The following SRGAP2 variants were observed in gnomAD, a reference collection of about 807,000 sequenced individuals.
SRGAP2 encodes the protein SLIT-ROBO Rho GTPase-activating protein 2.
In SRGAP2, 15 loss-of-function variants were observed where a neutral mutation model predicts 57.2. The observed-to-expected ratio is 0.26, with a 90% CI of 0.18 to 0.40. The LOEUF (loss-of-function observed/expected upper bound fraction) is 0.40, where lower values mean the gene tolerates loss of function less well. Ranked by LOEUF, SRGAP2 falls within the 10% of genes least tolerant of loss-of-function variation. The probability of loss-of-function intolerance (pLI) is 1.00; values close to 1 mark genes in which losing one functional copy is unlikely to be tolerated. For missense variants in SRGAP2, 520 were observed against 669.6 expected (o/e 0.78, Z 2.47); for synonymous variants, 249 against 248.0 (o/e 1.00, Z -0.04).
rs1254383836 is a variant in SRGAP2, at chr1:206,273,988, A to G, written c.68-29293A>G. ...TTCTGATGTCCTAGTATTTTTTCCT[A>G]GATCCCAGATCAAGAGATACTTTTA... is the stretch of plus-strand genomic sequence containing the variant. On this transcript the variant is annotated intron_variant, in intron 2 of 22. Transcript: ENST00000573034. Among the ~76,000 whole-genome samples, 754 of 134,936 alleles carry G rather than the reference A, an allele frequency of 5.6e-3. 2 individuals are homozygous for G. The highest frequency in any genetic ancestry group is 0.021 in the East Asian group (97 of 4,576). The allele number at this position is 134,936 out of a possible 152,430, so 88.5% of individuals were successfully genotyped here. A position where few individuals can be genotyped will look rare whatever the true frequency, so the allele number is the denominator to read the frequency against.
chr1:206,373,017 CTTTCTTTCTTTT>C (rs1654828592), intron 4 of SRGAP2, among the ~76,000 whole-genome samples: 1 of 97,986 alleles, frequency 1.0e-5, no homozygotes, highest in African/African-American at 3.8e-5. Flanking sequence ...TTCTTTCTTT[CTTTCTTTCTTTT>C]CTTTCTCTCT....
chr1:206,260,322 G>A (rs1401514361), intron 2 of SRGAP2, among the ~76,000 whole-genome samples: 31 of 146,126 alleles, frequency 2.1e-4, no homozygotes, highest in African/African-American at 7.9e-4. Flanking sequence ...TCCCAAAGTG[G>A]ACGAAATGGA....
In SRGAP2 at chr1:206,446,064, T is replaced by G. The variant is rs782692785; in HGVS notation, c.1875-11T>G. On this transcript the variant is annotated splice_polypyrimidine_tract_variant and intron_variant, in intron 17 of 22. Coordinates refer to ENST00000573034, the MANE Select transcript of SRGAP2 (RefSeq NM_015326.5). ...AGCTTTCCAGCTTGCCCCCTTTCCC[T>G]TCTCCTCCAGTTTATCACAGTTCAG... The G allele has an allele frequency of 1.3e-6, 1 of 779,996 alleles. No individual in the cohort carries two copies. The highest frequency in any genetic ancestry group is 2.4e-5 in the East Asian group (1 of 41,224). The allele number at this position is 779,996 out of a possible 1,614,324, so 48.3% of individuals were successfully genotyped here.
intron 18 of SRGAP2, among the ~76,000 whole-genome samples, chr1:206,448,336 G>A (rs1003402626): frequency 5.9e-5 from 9 of 152,124 alleles, no homozygotes. Flanking sequence ...AACTGGAACC[G>A]GTTTTCTAGG....
intron 10 of SRGAP2, among the ~76,000 whole-genome samples, chr1:206,414,494 T>G (rs1204110497): frequency 6.6e-6 from 1 of 152,190 alleles, no homozygotes; most frequent in Non-Finnish European, 1.5e-5. Flanking sequence ...CTCAGTGATC[T>G]CATATATCAC....
chr1:206,306,820 A>G (rs1672235993), intron 3 of SRGAP2, among the ~76,000 whole-genome samples: 1 of 152,210 alleles, frequency 6.6e-6, no homozygotes, highest in African/African-American at 2.4e-5. Context: ...TGAGTTAAAC[A>G]CAGGGTGCTG....
chr1:206,249,779 AAG>A (rs1357128306), intron 2 of SRGAP2, among the ~76,000 whole-genome samples: 1 of 151,908 alleles, frequency 6.6e-6, no homozygotes. Context: ...TCACCTTATC[AAG>A]ACCCTCTAGG....
At chr1:206,438,532 CA>C (rs1308109614) in intron 16 of SRGAP2, among the ~76,000 whole-genome samples, 1 of 152,208 alleles carries the variant, frequency 6.6e-6, no homozygotes, top group Non-Finnish European at 1.5e-5. Context: ...GTTCTAGGAA[CA>C]AAAGCCCTCT....
At chr1:206,412,798 C>T (rs1659333578) in intron 10 of SRGAP2, among the ~76,000 whole-genome samples, 1 of 152,190 alleles carries the variant, frequency 6.6e-6, no homozygotes, top group Non-Finnish European at 1.5e-5. Flanking sequence ...CAACGAGTCT[C>T]TCATATGGAT....
intron 2 of SRGAP2, among the ~76,000 whole-genome samples, chr1:206,240,319 A>C (rs1241721617): frequency 2.0e-5 from 3 of 149,756 alleles, no homozygotes; most frequent in Non-Finnish European, 4.4e-5. Flanking sequence ...TTTGGGTTTT[A>C]TTCTGAACTG....
At chr1:206,377,426 G>C (rs1481170664) in intron 4 of SRGAP2, among the ~76,000 whole-genome samples, 5 of 148,632 alleles carry the variant, frequency 3.4e-5, no homozygotes, top group Non-Finnish European at 5.9e-5. Context: ...AACTTAGAAA[G>C]ACAAACTCAA....
intron 11 of SRGAP2, among the ~76,000 whole-genome samples, chr1:206,418,805 A>G (rs1181653309): frequency 4.6e-5 from 7 of 152,030 alleles, no homozygotes; most frequent in Non-Finnish European, 8.8e-5. Context: ...AGAATTTACT[A>G]TGAATCTAAA....
chr1:206,327,097 T>A (rs1553330251), intron 3 of SRGAP2, among the ~76,000 whole-genome samples: 1 of 152,122 alleles, frequency 6.6e-6, no homozygotes, highest in African/African-American at 2.4e-5. Flanking sequence ...GAGGCCAATG[T>A]GGACAGATCA....
At chr1:206,255,546 CA>C (rs1211033581) in intron 2 of SRGAP2, among the ~76,000 whole-genome samples, 1 of 139,166 alleles carries the variant, frequency 7.2e-6, no homozygotes, top group African/African-American at 2.7e-5. Flanking sequence ...GGCTTGGCAG[CA>C]GGGCCCATTT....
chr1:206,461,151 T>TC lies in SRGAP2; in HGVS notation c.2951dup (p.Val985SerfsTer69). The TC allele has an allele frequency of 1.3e-6, 1 of 780,544 alleles. No individual in the cohort carries two copies. The highest frequency in any genetic ancestry group is 2.4e-6 in the Non-Finnish European group (1 of 417,822). 48.4% of individuals were successfully genotyped at this position (780,544 alleles called of 1,614,324 possible). On this transcript the variant is annotated frameshift_variant, in exon 23 of 23. Coordinates refer to ENST00000573034, the MANE Select transcript of SRGAP2 (RefSeq NM_015326.5). LOFTEE classifies it high-confidence loss of function. ...GGACACCTTGGAGCCCCTCAAAACC[T>TC]CCCCAGTGGTGGCCCCCACGTCAGA...
intron 2 of SRGAP2, among the ~76,000 whole-genome samples, chr1:206,292,235 G>A (rs1671370742): frequency 6.6e-6 from 1 of 152,180 alleles, no homozygotes; most frequent in East Asian, 1.9e-4. Flanking sequence ...TCTATCTCCT[G>A]TAGGTCAAAG....
chr1:206,448,268 C>T (rs1224571939), intron 18 of SRGAP2, among the ~76,000 whole-genome samples: 1 of 152,168 alleles, frequency 6.6e-6, no homozygotes, highest in African/African-American at 2.4e-5. Context: ...GCCACATGGC[C>T]TCCCCACAGC....
At chr1:206,347,831 AT>A (rs1419915530) in intron 4 of SRGAP2, among the ~76,000 whole-genome samples, 2 of 150,300 alleles carry the variant, frequency 1.3e-5, no homozygotes, top group African/African-American at 5.0e-5. Context: ...GAACATCAAC[AT>A]TGGATTGTTT....
chr1:206,217,979 TC>T (rs1463188548), intron 2 of SRGAP2, among the ~76,000 whole-genome samples: 1 of 151,674 alleles, frequency 6.6e-6, no homozygotes, highest in Non-Finnish European at 1.5e-5. Context: ...CTAAGGTCCT[TC>T]CAGCTTTCAG....
Sources: allele counts gnomAD v4.1 joint callset (sites outside exome capture counted in the v4.1 genomes callset), GRCh38; gene constraint gnomAD v4.1.1; transcripts MANE v1.5; gene names NCBI Gene and HGNC (gene_info 2026-07-23, HGNC 2026-07-21).